Variants in TST observed in about 807,000 individuals in gnomAD.
TST encodes epididymis secretory sperm binding protein.
TST carries 22 observed loss-of-function variants against 20.4 expected under a neutral mutation model. The observed-to-expected ratio is 1.08, with a 90% confidence interval of 0.77 to 1.54. The LOEUF (loss-of-function observed/expected upper bound fraction) is 1.54. Ranked by LOEUF, TST falls within the 40% of genes most tolerant of loss-of-function variation. The pLI is 0.00. For synonymous variants in TST, 187 were observed against 173.8 expected (o/e 1.08, Z -0.60); for missense variants, 392 against 405.2 (o/e 0.97, Z 0.28).
At chr22:37,011,532 C>A (rs1163438597) in intron 2 of TST, among the ~76,000 whole-genome samples, 1 of 152,204 alleles carries the variant, frequency 6.6e-6, no homozygotes, top group Non-Finnish European at 1.5e-5. Flanking sequence ...TCTCCTAACA[C>A]CTGTCTTGAA....
intron 2 of TST, among the ~76,000 whole-genome samples, chr22:37,012,866 A>C (rs5756480): frequency 0.53 from 79,969 of 151,762 alleles, 21,220 homozygotes; most frequent in Middle Eastern, 0.59. Flanking sequence ...CATGGTGAAA[A>C]CCCGTCTCTA....
intron 2 of TST, among the ~76,000 whole-genome samples, chr22:37,012,718 C>T (rs532483555): frequency 1.3e-5 from 2 of 152,286 alleles, no homozygotes; most frequent in African/African-American, 2.4e-5. Flanking sequence ...CCTGAACCTC[C>T]GAGCCTCAGT....
chr22:37,017,517 G>A (rs915931241), intron 2 of TST, among the ~76,000 whole-genome samples: 1 of 152,136 alleles, frequency 6.6e-6, no homozygotes, highest in Non-Finnish European at 1.5e-5. Flanking sequence ...GCCAAAACAG[G>A]GGCATTGAGC....
intron 2 of TST, among the ~76,000 whole-genome samples, 176 bp downstream of exon 2, chr22:37,017,962 C>A (rs999044451): frequency 9.9e-5 from 15 of 152,150 alleles, no homozygotes; most frequent in Non-Finnish European, 2.1e-4. Context: ...TGCATCCAAG[C>A]TGAAAAAGCC....
In TST at chr22:37,018,176, C is replaced by G; in HGVS notation, c.557G>C (p.Gly186Ala). Residue 186 changes from glycine (G) to alanine (A), a missense_variant, in exon 2 of 3, where the codon GGG (glycine) becomes GCG (alanine). Transcript: ENST00000249042. The part of the protein sequence containing the change: ...RFQLVDSRSQ[G>A]RFLGTEPEPD... ...CTCCGGCTCGGTGCCCAGGAACCGC[C>G]CTTGAGACCTTGAATCCACCAGCTG... 6.3e-7 allele frequency: 1 copy of G among 1,595,952 alleles called. No homozygotes were observed. Among genetic ancestry groups the G allele is most frequent in the Non-Finnish European group, 8.6e-7 (1 of 1,169,258 alleles).
intron 2 of TST, among the ~76,000 whole-genome samples, chr22:37,016,485 A>C (rs1373117273): frequency 6.6e-6 from 1 of 152,008 alleles, no homozygotes; most frequent in Non-Finnish European, 1.5e-5. Flanking sequence ...GGCATTACCC[A>C]CTGCAGGCCA....
intron 2 of TST, among the ~76,000 whole-genome samples, chr22:37,015,207 C>A (rs1051772702): frequency 6.6e-6 from 1 of 152,236 alleles, no homozygotes; most frequent in African/African-American, 2.4e-5. Flanking sequence ...AGCCTACCTA[C>A]CCCTGCCTGC....
chr22:37,018,652 G>C lies in TST; in HGVS notation c.81C>G (p.Pro27=). The C allele has an allele frequency of 6.4e-7, 1 of 1,562,880 alleles. No individual in the cohort carries two copies. Among genetic ancestry groups the C allele is most frequent in the Non-Finnish European group, 8.7e-7 (1 of 1,154,236 alleles). ...AESIRTGKLG[P]GLRVLDASWY... is the part of the protein sequence containing the mutation. ...AGGACGCGTCCAGCACCCGCAGGCCGGGCCCCAGCTTGCCAGTCCTGATGG... is the reference window on the plus strand; with the variant it reads ...AGGACGCGTCCAGCACCCGCAGGCCCGGCCCCAGCTTGCCAGTCCTGATGG... Residue 27 remains proline (P), a synonymous_variant, in exon 2 of 3, where the codon CCC becomes CCG. Coordinates refer to ENST00000249042, the MANE Select transcript of TST (RefSeq NM_003312.6).
chr22:37,017,335 C>T (rs1243054446), intron 2 of TST, among the ~76,000 whole-genome samples: 2 of 152,172 alleles, frequency 1.3e-5, no homozygotes, highest in Non-Finnish European at 2.9e-5. Context: ...TCTGAGTCGC[C>T]TTCCTGGGGC....
intron 2 of TST, among the ~76,000 whole-genome samples, chr22:37,014,248 T>C (rs1922589534): frequency 6.6e-6 from 1 of 152,124 alleles, no homozygotes; most frequent in Non-Finnish European, 1.5e-5. Context: ...TGGGCACCTG[T>C]AGTCCCAGCT....
upstream of TST, chr22:37,019,476 C>T (rs1319992277): frequency 6.8e-6 from 1 of 147,854 alleles, no homozygotes; most frequent in East Asian, 2.0e-4. Flanking sequence ...GCCGCAGCTC[C>T]CCAGGCGGCG....
rs1000783141 is a variant in TST, at chr22:37,015,935, C to CTTTTTT, written c.595+2197_595+2202dup. Among the ~76,000 whole-genome samples the CTTTTTT allele has an allele frequency of 3.7e-4, 27 of 73,866 alleles. 5 individuals carry two copies. Among genetic ancestry groups the CTTTTTT allele is most frequent in the African/African-American group, 5.8e-4 (10 of 17,202 alleles). 48.5% of individuals were successfully genotyped at this position (73,866 alleles called of 152,430 possible). On this transcript the variant is annotated intron_variant, in intron 2 of 2. Coordinates refer to ENST00000249042, the MANE Select transcript of TST (RefSeq NM_003312.6). ...TGAAATCCCTTTCCAGCCACTGCTA[C>CTTTTTT]TTTTTTTTTTTTTTTTTTTTTTTTT... is the stretch of plus-strand genomic sequence containing the variant.
Position 37,018,145 on chromosome 22 carries a change from A to G in TST, c.588T>C (p.Asp196=). The change falls in exon 2 of 3, where the codon GAT becomes GAC. Residue 196 remains aspartate (D), a synonymous_variant. Coordinates refer to ENST00000249042, the MANE Select transcript of TST (RefSeq NM_003312.6). ...GRFLGTEPEP[D]AVGLDSGHIR... is the part of the protein sequence containing the mutation. The stretch of plus-strand genomic sequence containing the variant: ...CAGCACTGGGACACCTACCTACTGC[A>G]TCCGGCTCCGGCTCGGTGCCCAGGA... 2 of 1,551,760 alleles carry G rather than the reference A, an allele frequency of 1.3e-6. No individual in the cohort carries two copies. Among genetic ancestry groups the G allele is most frequent in the Non-Finnish European group, 1.7e-6 (2 of 1,146,934 alleles).
chr22:37,013,046 G>GA (rs113344464), intron 2 of TST, among the ~76,000 whole-genome samples: 17,742 of 147,308 alleles, frequency 0.12, 2,132 homozygotes, highest in African/African-American at 0.31. Flanking sequence ...CCGTCTCAAA[G>GA]AAAAAAAAAA....
chr22:37,019,909 GGGGA>G, upstream of TST: 1 of 1,127,794 alleles, frequency 8.9e-7, no homozygotes, highest in Non-Finnish European at 1.1e-6. Flanking sequence ...CTTTCTGGAG[GGGGA>G]GGGAGTGGCT....
intron 2 of TST, among the ~76,000 whole-genome samples, chr22:37,015,872 C>T (rs1409022349): frequency 2.0e-5 from 3 of 151,538 alleles, no homozygotes; most frequent in Admixed American, 2.0e-4. Context: ...GGGGGAAGTG[C>T]CACACCCTCC....
chr22:37,015,409 C>G (rs1922640611), intron 2 of TST, among the ~76,000 whole-genome samples: 2 of 152,262 alleles, frequency 1.3e-5, no homozygotes, highest in Admixed American at 1.3e-4. Flanking sequence ...TCTCTCACTT[C>G]CTCCAGCCCT....
At chr22:37,013,079 G>A (rs980186709) in intron 2 of TST, 1 of 152,120 alleles carries the variant, frequency 6.6e-6, no homozygotes, top group Non-Finnish European at 1.5e-5. Flanking sequence ...CCACCTCACA[G>A]GTGTGTGGGG....
intron 2 of TST, among the ~76,000 whole-genome samples, chr22:37,011,624 A>G (rs1411334366): frequency 6.6e-6 from 1 of 152,140 alleles, no homozygotes; most frequent in Non-Finnish European, 1.5e-5. Flanking sequence ...TGGGCAAATC[A>G]TTTCACTTCT....
Sources: allele counts gnomAD v4.1 joint callset (sites outside exome capture counted in the v4.1 genomes callset), GRCh38; gene constraint gnomAD v4.1.1; transcripts MANE v1.5; gene names NCBI Gene and HGNC (gene_info 2026-07-23, HGNC 2026-07-21).